The following PPP2R2B variants were observed in gnomAD, a reference collection of about 807,000 sequenced individuals.
PPP2R2B encodes the protein serine/threonine-protein phosphatase 2A 55 kDa regulatory subunit B beta isoform.
In PPP2R2B, 5 loss-of-function variants were observed where a neutral mutation model predicts 46.0. That is an observed-to-expected ratio of 0.11 (90% CI 0.06 to 0.23). The LOEUF (loss-of-function observed/expected upper bound fraction) is 0.23, where lower values mean the gene tolerates loss of function less well. PPP2R2B is among the 10% of genes least tolerant of loss of function. The probability of loss-of-function intolerance (pLI) is 1.00; values close to 1 mark genes in which losing one functional copy is unlikely to be tolerated. For missense variants in PPP2R2B, 367 were observed against 575.0 expected (o/e 0.64, Z 3.70); for synonymous variants, 215 against 206.7 (o/e 1.04, Z -0.34).
intron 7 of PPP2R2B, among the ~76,000 whole-genome samples, chr5:146,630,180 C>A (rs1046486557): frequency 6.6e-6 from 1 of 152,138 alleles, no homozygotes; most frequent in Admixed American, 6.5e-5. Flanking sequence ...TTTCTCTATT[C>A]TTTGAACACA....
At chr5:146,992,911 T>C (rs943242032) in intron 1 of PPP2R2B, among the ~76,000 whole-genome samples, 2 of 152,200 alleles carry the variant, frequency 1.3e-5, no homozygotes, top group African/African-American at 4.8e-5. Flanking sequence ...AACACCTGAA[T>C]TCTTTATTCT....
chr5:146,730,525 T>C (rs1752162440), intron 2 of PPP2R2B, among the ~76,000 whole-genome samples: 1 of 152,110 alleles, frequency 6.6e-6, no homozygotes, highest in Non-Finnish European at 1.5e-5. Context: ...TCAACCTGAA[T>C]TGTATCTCCC....
At chr5:147,018,182 G>A (rs1188104955) in intron 1 of PPP2R2B, among the ~76,000 whole-genome samples, 1 of 151,888 alleles carries the variant, frequency 6.6e-6, no homozygotes, top group Non-Finnish European at 1.5e-5. Flanking sequence ...AATATATAAA[G>A]TACTATTATA....
chr5:146,870,697 C>G lies in PPP2R2B; in HGVS notation c.70+7305G>C, dbSNP rs377441594. Among the ~76,000 whole-genome samples the G allele has an allele frequency of 1.7e-3, 266 of 152,256 alleles. 3 individuals carry two copies. In the South Asian group the frequency reaches 0.035, roughly 20 times the overall value. On this transcript the variant is annotated intron_variant, in intron 2 of 9. Transcript: ENST00000394411. The stretch of plus-strand genomic sequence containing the variant: ...CTTCGCCACGCTCCGTCCAACAGAC[C>G]CCATCCTTCTCAGGTTAAAACCTGT...
Position 146,600,472 on chromosome 5 carries a change from A to G in PPP2R2B, c.791-12T>C. The G allele has an allele frequency of 1.2e-6, 2 of 1,613,166 alleles. No individual in the cohort carries two copies. Among genetic ancestry groups the G allele is most frequent in the Non-Finnish European group, 1.7e-6 (2 of 1,179,540 alleles). On this transcript the variant is annotated splice_polypyrimidine_tract_variant and intron_variant, in intron 7 of 9. Coordinates refer to ENST00000394411, the MANE Select transcript of PPP2R2B (RefSeq NM_181675.4). ...CGGCTCTTCAAAAACTGCAGAACAA[A>G]AGCAAAACAAGACAAATTTAGCAAT...
chr5:146,822,186 G>T (rs969732871), intron 2 of PPP2R2B, among the ~76,000 whole-genome samples: 7 of 152,188 alleles, frequency 4.6e-5, no homozygotes, highest in Non-Finnish European at 1.0e-4. Flanking sequence ...CCAGAAGAAG[G>T]ACTGGCTCCT....
intron 6 of PPP2R2B, among the ~76,000 whole-genome samples, chr5:146,646,172 T>C (rs925309539): frequency 6.6e-6 from 1 of 152,212 alleles, no homozygotes; most frequent in African/African-American, 2.4e-5. Flanking sequence ...CCCATTTTCA[T>C]GCCTGGCACA....
At chr5:146,815,524 T>G (rs1323756520) in intron 2 of PPP2R2B, among the ~76,000 whole-genome samples, 1 of 152,234 alleles carries the variant, frequency 6.6e-6, no homozygotes, top group African/African-American at 2.4e-5. Flanking sequence ...GTAAACTAAA[T>G]GCCTTCAGGA....
chr5:146,976,066 T>G (rs1412224603), intron 1 of PPP2R2B, among the ~76,000 whole-genome samples: 1 of 150,880 alleles, frequency 6.6e-6, no homozygotes, highest in Non-Finnish European at 1.5e-5. Context: ...TCATAAAGCT[T>G]CTCTCCTAAG....
chr5:146,912,488 T>C (rs1248425015), intron 1 of PPP2R2B, among the ~76,000 whole-genome samples: 2 of 150,796 alleles, frequency 1.3e-5, no homozygotes, highest in Non-Finnish European at 2.9e-5. Flanking sequence ...CCACGATCTC[T>C]TGTTCTTTCA....
chr5:146,845,774 C>T (rs1226400447), intron 2 of PPP2R2B, among the ~76,000 whole-genome samples: 1 of 152,106 alleles, frequency 6.6e-6, no homozygotes, highest in African/African-American at 2.4e-5. Context: ...TTCTGTTTCC[C>T]ATGTGCATGT....
chr5:146,912,879 T>TA (rs1763242546), intron 1 of PPP2R2B, among the ~76,000 whole-genome samples: 2 of 152,214 alleles, frequency 1.3e-5, no homozygotes, highest in Non-Finnish European at 2.9e-5. Context: ...CTCTTCAATG[T>TA]GTCAAGTACT....
rs75504659 is a variant in PPP2R2B, at chr5:147,071,943, T to G, written c.50+9116A>C. On this transcript the variant is annotated intron_variant, in intron 2 of 10. Coordinates refer to the PPP2R2B transcript ENST00000394413. Reference sequence around the variant, plus strand: ...GTTTTCTGTTGGAGCTGAAAGCATCTTGAAAGCATGATGGATTTCCCTTGA... The same window carrying G: ...GTTTTCTGTTGGAGCTGAAAGCATCGTGAAAGCATGATGGATTTCCCTTGA... Among the ~76,000 whole-genome samples, 599 of 152,330 alleles carry G rather than the reference T, an allele frequency of 3.9e-3. 14 individuals carry two copies. The East Asian group carries it at 0.061, about 16-fold the overall frequency.
chr5:147,007,139 C>T (rs1008638173), intron 1 of PPP2R2B, among the ~76,000 whole-genome samples: 2 of 152,090 alleles, frequency 1.3e-5, no homozygotes, highest in Admixed American at 1.3e-4. Context: ...CTGGACTGAC[C>T]CGCTGGTCCT....
rs182657107 is a variant in PPP2R2B at position 146,972,892 on chromosome 5, C to A, written c.79+82773G>T. Among the ~76,000 whole-genome samples, 6 of 152,194 alleles carry A rather than the reference C, an allele frequency of 3.9e-5. No individual in the cohort carries two copies. The East Asian group carries it at 9.7e-4, about 24-fold the overall frequency. On this transcript the variant is annotated intron_variant, in intron 1 of 8. Transcript: ENST00000336640. ...TTGTCAGTTGTTATGAGAAATAAGC[C>A]TTTTCTCTGTAATGCAAATTAAAAA... is the stretch of plus-strand genomic sequence containing the variant.
At chr5:146,952,257 C>A (rs938894888) in intron 1 of PPP2R2B, among the ~76,000 whole-genome samples, 1 of 151,934 alleles carries the variant, frequency 6.6e-6, no homozygotes, top group South Asian at 2.1e-4. Context: ...CTTATTATTA[C>A]AAACCAAGAT....
intron 2 of PPP2R2B, among the ~76,000 whole-genome samples, chr5:146,819,730 A>G (rs558284812): frequency 2.0e-5 from 3 of 152,336 alleles, no homozygotes; most frequent in African/African-American, 7.2e-5. Context: ...AATTAAAAAT[A>G]GAACTACCAC....
chr5:146,648,831 G>T (rs571122435), intron 6 of PPP2R2B, among the ~76,000 whole-genome samples: 30 of 152,334 alleles, frequency 2.0e-4, no homozygotes, highest in African/African-American at 7.0e-4. Context: ...CTTAGGAACA[G>T]AAAAGTGATT....
chr5:146,754,007 G>A (rs1753702831), intron 2 of PPP2R2B, among the ~76,000 whole-genome samples: 1 of 151,990 alleles, frequency 6.6e-6, no homozygotes, highest in African/African-American at 2.4e-5. Context: ...GAGCAAAGTG[G>A]GTGTCAGACA....
Sources: allele counts gnomAD v4.1 joint callset (sites outside exome capture counted in the v4.1 genomes callset), GRCh38; gene constraint gnomAD v4.1.1; transcripts MANE v1.5; gene names NCBI Gene and HGNC (gene_info 2026-07-23, HGNC 2026-07-21).